Variants in WAPL observed in about 807,000 individuals in gnomAD.
WAPL encodes the protein WAPL cohesin release factor, also known as wings apart-like protein homolog.
In WAPL, 5 loss-of-function variants were observed where a neutral mutation model predicts 121.0. That is an observed-to-expected ratio of 0.04 (90% CI 0.02 to 0.09). The LOEUF is 0.09. Among genes scored for constraint, WAPL ranks in the 10% least tolerant of loss-of-function variants. WAPL has a pLI of 1.00. For synonymous variants in WAPL, 480 were observed against 481.5 expected (o/e 1.00, Z 0.04); for missense variants, 999 against 1,410.8 (o/e 0.71, Z 4.68).
intron 8 of WAPL, among the ~76,000 whole-genome samples, chr10:86,469,924 A>G (rs12764112): frequency 0.019 from 2,894 of 152,278 alleles, 74 homozygotes; most frequent in African/African-American, 0.052. Flanking sequence ...ATGAGGTCTC[A>G]CTAGGTTTCC....
intron 12 of WAPL, among the ~76,000 whole-genome samples, chr10:86,458,543 A>G (rs1841202479): frequency 6.6e-6 from 1 of 152,226 alleles, no homozygotes; most frequent in South Asian, 2.1e-4. Flanking sequence ...CACATTAACT[A>G]ATTTAACTCA....
At chr10:86,518,166 T>C in intron 1 of WAPL, 75 bp from the exon 2 acceptor site, 1 of 1,391,010 alleles carries the variant, frequency 7.2e-7, no homozygotes, top group Non-Finnish European at 9.6e-7. Context: ...AATAAAAACC[T>C]AGGGATTCTT....
intron 4 of WAPL, among the ~76,000 whole-genome samples, chr10:86,489,608 C>T (rs1842000866): frequency 6.6e-6 from 1 of 152,136 alleles, no homozygotes; most frequent in Non-Finnish European, 1.5e-5. Flanking sequence ...GTGCTATTGA[C>T]AACTAATGGA....
Position 86,453,303 on chromosome 10 carries a change from C to T in WAPL, c.2866G>A (p.Gly956Ser), listed in dbSNP as rs375050310. ...CAGTTCAGCGCTGTGCCTATGAGAC[C>T]GTCCTGCTCTCCTGTTTTGGTGCTG... ...WGSTKTGEQDGLIGTALNCVL... is the reference protein window; with the variant it reads ...WGSTKTGEQDSLIGTALNCVL... The change falls in exon 14 of 19, where the codon GGT becomes AGT. Residue 956 changes from glycine to serine, a missense_variant. By Grantham distance (56) the Gly-to-Ser change is moderately conservative. This residue lies in a region of WAPL where 85 missense variants were observed against 133.5 expected (regional missense o/e 0.64). Coordinates refer to ENST00000298767, the MANE Select transcript of WAPL (RefSeq NM_015045.5). The T allele has an allele frequency of 1.5e-5, 25 of 1,613,944 alleles. No individual in the cohort carries two copies. The East Asian group carries it at 2.0e-4, about 13-fold the overall frequency.
At chr10:86,443,641 T>G in intron 16 of WAPL, 3 of 339,516 alleles carry the variant, frequency 8.8e-6, no homozygotes, top group East Asian at 5.2e-5. Flanking sequence ...GAAAATATAT[T>G]TGCAAATCAT....
intron 2 of WAPL, among the ~76,000 whole-genome samples, chr10:86,505,154 TAG>T (rs1414851300): frequency 6.7e-6 from 1 of 148,248 alleles, no homozygotes; most frequent in Non-Finnish European, 1.5e-5. Flanking sequence ...CTAAAAGCTG[TAG>T]AGTTTTTTTT....
intron 12 of WAPL, among the ~76,000 whole-genome samples, chr10:86,455,738 T>C (rs1313081768): frequency 7.1e-6 from 1 of 140,596 alleles, no homozygotes; most frequent in East Asian, 2.1e-4. Context: ...CAAATAAAAA[T>C]TTGCTAGCAG....
At chr10:86,449,171 A>T (rs1262380715) in intron 15 of WAPL, among the ~76,000 whole-genome samples, 4 of 152,250 alleles carry the variant, frequency 2.6e-5, no homozygotes, top group Non-Finnish European at 5.9e-5. Flanking sequence ...GTAAGATTCC[A>T]TTTATACAAC....
Position 86,521,440 on chromosome 10 carries a change from G to A in WAPL, c.-98C>T, listed in dbSNP as rs1004294953. ...CTCCCTACGGCCCGCGGGCGGGCGC[G>A]GAACCCTCGCGCGGGAGAGCAGGGC... On this transcript the variant is annotated 5_prime_UTR_variant, in exon 1 of 19. Transcript: ENST00000298767. The A allele has an allele frequency of 1.3e-5, 4 of 310,914 alleles. No homozygotes were observed. The East Asian group carries it at 6.2e-4, about 48-fold the overall frequency. The allele number at this position is 310,914 out of a possible 1,614,324, so 19.3% of individuals were successfully genotyped here.
At chr10:86,473,731 A>C in intron 5 of WAPL, 147 bp downstream of exon 5, 2 of 593,948 alleles carry the variant, frequency 3.4e-6, no homozygotes, top group Non-Finnish European at 5.7e-6. Flanking sequence ...CAATGAATTA[A>C]ACTGAAACTA....
At chr10:86,457,594 A>G (rs1032723643) in intron 12 of WAPL, among the ~76,000 whole-genome samples, 1 of 152,046 alleles carries the variant, frequency 6.6e-6, no homozygotes, top group African/African-American at 2.4e-5. Context: ...CAGAGGTTGC[A>G]GTGAGCCGAG....
rs777078143 is a variant in WAPL, at chr10:86,500,445, G to A, written c.798C>T (p.Asp266=). Residue 266 remains aspartate (D), a synonymous_variant, in exon 3 of 19, where the codon GAC becomes GAT. Coordinates refer to ENST00000298767, the MANE Select transcript of WAPL (RefSeq NM_015045.5). Reference sequence around the variant, plus strand: ...GATTTTCCAATCGATTTTTAAAATCGTCATCCTTCATCTCCAAAAGGGGAT... The same window carrying A: ...GATTTTCCAATCGATTTTTAAAATCATCATCCTTCATCTCCAAAAGGGGAT... ...DSDPLLEMKD[D]DFKNRLENLN... is the part of the protein sequence containing the mutation. The A allele has an allele frequency of 1.2e-5, 19 of 1,613,980 alleles. No individual in the cohort carries two copies. Among genetic ancestry groups the A allele is most frequent in the Middle Eastern group, 3.3e-4 (2 of 6,084 alleles).
chr10:86,441,660 G>A (rs1448672305), intron 17 of WAPL, among the ~76,000 whole-genome samples: 4 of 151,946 alleles, frequency 2.6e-5, no homozygotes, highest in Non-Finnish European at 5.9e-5. Context: ...TAGTCAGCAC[G>A]GGACCATAAG....
rs1842209041 is a variant in WAPL at position 86,499,655 on chromosome 10, A to G, written c.1525+63T>C. On this transcript the variant is annotated intron_variant, in intron 3 of 18. Transcript: ENST00000298767. ...TGACCTTGGGTAATTGAAACCACAG[A>G]AAGTGAAACTGCAGGTAAGGGGGAA... The G allele has an allele frequency of 3.3e-6, 5 of 1,498,214 alleles. No individual in the cohort carries two copies. In the Admixed American group the frequency reaches 9.3e-5, roughly 28 times the overall value. The allele number at this position is 1,498,214 out of a possible 1,614,324, so 92.8% of individuals were successfully genotyped here. A position where few individuals can be genotyped will look rare whatever the true frequency, so the allele number is the denominator to read the frequency against.
At chr10:86,483,769 C>A (rs76793449) in intron 4 of WAPL, among the ~76,000 whole-genome samples, 1,521 of 106,834 alleles carry the variant, frequency 0.014, no homozygotes, top group Admixed American at 0.016. Flanking sequence ...AAGTTTTTAA[C>A]AAAAAAAAAA....
chr10:86,468,005 T>A (rs75643792), intron 8 of WAPL, among the ~76,000 whole-genome samples: 11,388 of 151,850 alleles, frequency 0.075, 459 homozygotes, highest in Middle Eastern at 0.14. Context: ...TGAAGAAACA[T>A]GTTTAAAAAA....
In WAPL at chr10:86,505,300, C is replaced by CTTTT. The variant is rs531404303; in HGVS notation, c.500-4561_500-4558dup. 2.3e-3 allele frequency among the ~76,000 whole-genome samples: 103 copies of CTTTT among 44,634 alleles called. 12 individuals carry two copies. The highest frequency in any genetic ancestry group is 2.7e-3 in the Non-Finnish European group (65 of 24,344). The allele number at this position is 44,634 out of a possible 152,430, so 29.3% of individuals were successfully genotyped here. On this transcript the variant is annotated intron_variant, in intron 2 of 18. Coordinates refer to ENST00000298767, the MANE Select transcript of WAPL (RefSeq NM_015045.5). ...CAAGCTTCAGCCACAGTGCCCAACTCTTTTTTTTTTTTTTTTTTTTTTTTT... is the reference window on the plus strand; with the variant it reads ...CAAGCTTCAGCCACAGTGCCCAACTCTTTTTTTTTTTTTTTTTTTTTTTTTTTTT...
At chr10:86,482,801 G>A (rs1841823587) in intron 4 of WAPL, among the ~76,000 whole-genome samples, 1 of 152,222 alleles carries the variant, frequency 6.6e-6, no homozygotes, top group Non-Finnish European at 1.5e-5. Context: ...ACAAAGAGTG[G>A]AAAGGTGGTT....
intron 4 of WAPL, among the ~76,000 whole-genome samples, chr10:86,476,136 C>T (rs1351018489): frequency 2.6e-5 from 4 of 152,016 alleles, no homozygotes; most frequent in African/African-American, 9.7e-5. Flanking sequence ...GAGGCTGAGG[C>T]GGGCGGATCA....
Sources: gnomAD v4.1 joint callset for allele counts (sites outside exome capture counted in the v4.1 genomes callset) on GRCh38, gnomAD v4.1.1 for gene constraint, gnomAD v4.1.1 regional missense constraint, MANE v1.5 for transcripts, NCBI Gene and HGNC (gene_info 2026-07-23, HGNC 2026-07-21) for gene names.